EXOC6B: variants seen among roughly 807,000 people sequenced by gnomAD.
EXOC6B encodes the protein SEC15 homolog B.
EXOC6B carries 54 observed loss-of-function variants against 113.5 expected under a neutral mutation model. That is an observed-to-expected ratio of 0.48 (90% confidence interval 0.38 to 0.60). The LOEUF is 0.60. EXOC6B is among the 20% of genes least tolerant of loss of function. The pLI is 0.00. For synonymous variants in EXOC6B, 357 were observed against 339.0 expected, an observed-to-expected ratio of 1.05 and a Z score of -0.58; for missense variants, 797 against 977.5, an observed-to-expected ratio of 0.82 and a Z score of 2.46.
chr2:72,288,908 A>C (rs1685612541), intron 20 of EXOC6B: 1 of 222,640 alleles, frequency 4.5e-6, no homozygotes. Context: ...AGAGCTGGGA[A>C]AATTATTGTG....
intron 18 of EXOC6B, among the ~76,000 whole-genome samples, chr2:72,438,516 G>A (rs1180969075): frequency 6.6e-6 from 1 of 152,142 alleles, no homozygotes; most frequent in African/African-American, 2.4e-5. Context: ...AGCTGAGGTG[G>A]GAGGATCACT....
intron 6 of EXOC6B, among the ~76,000 whole-genome samples, chr2:72,662,111 G>C (rs1217978856): frequency 3.8e-5 from 5 of 131,000 alleles, no homozygotes; most frequent in African/African-American, 1.4e-4. Context: ...AAGGAGAGAA[G>C]GGGGGAGGGG....
At chr2:72,440,056 G>A (rs1323849659) in intron 18 of EXOC6B, among the ~76,000 whole-genome samples, 1 of 152,136 alleles carries the variant, frequency 6.6e-6, no homozygotes, top group Non-Finnish European at 1.5e-5. Flanking sequence ...TCCTCTGAGA[G>A]CTCTGTACCA....
At chr2:72,509,589 T>C (rs962970744) in intron 11 of EXOC6B, among the ~76,000 whole-genome samples, 1 of 152,086 alleles carries the variant, frequency 6.6e-6, no homozygotes, top group Non-Finnish European at 1.5e-5. Flanking sequence ...GTTAAAACTT[T>C]TTGAAGCTGC....
intron 6 of EXOC6B, among the ~76,000 whole-genome samples, chr2:72,707,399 AT>A (rs1056540715): frequency 2.1e-4 from 31 of 150,404 alleles, no homozygotes; most frequent in Non-Finnish European, 3.0e-5. Context: ...TTATTCATGT[AT>A]ATTTGTCATT....
intron 20 of EXOC6B, among the ~76,000 whole-genome samples, chr2:72,197,218 G>A (rs1679227130): frequency 6.6e-6 from 1 of 152,116 alleles, no homozygotes. Flanking sequence ...GAAGAGGTAG[G>A]TACCTCCATT....
At chr2:72,246,092 T>C (rs555181660) in intron 20 of EXOC6B, among the ~76,000 whole-genome samples, 1 of 152,310 alleles carries the variant, frequency 6.6e-6, no homozygotes, top group Non-Finnish European at 1.5e-5. Context: ...TCTCACTATG[T>C]TGTCTAGGCT....
intron 8 of EXOC6B, among the ~76,000 whole-genome samples, chr2:72,533,581 A>T (rs1702129046): frequency 6.6e-6 from 1 of 152,116 alleles, no homozygotes; most frequent in East Asian, 1.9e-4. Flanking sequence ...CTAAGCCAAA[A>T]CCAATGTGGT....
At chr2:72,813,570 T>A (rs1330451822) in intron 1 of EXOC6B, among the ~76,000 whole-genome samples, 1 of 152,190 alleles carries the variant, frequency 6.6e-6, no homozygotes, top group Non-Finnish European at 1.5e-5. Flanking sequence ...AGGAAATCCT[T>A]TACCTGACCA....
At chr2:72,403,821 G>C (rs570768631) in intron 18 of EXOC6B, among the ~76,000 whole-genome samples, 70 of 152,324 alleles carry the variant, frequency 4.6e-4, no homozygotes, top group Non-Finnish European at 8.1e-4. Flanking sequence ...TTCCAACTGA[G>C]GTACCGGGTT....
chr2:72,580,237 G>A (rs964169290), intron 6 of EXOC6B, among the ~76,000 whole-genome samples: 8 of 150,424 alleles, frequency 5.3e-5, no homozygotes, highest in African/African-American at 1.5e-4. Context: ...TGCCTCCTGG[G>A]TTCAAGCGAT....
intron 17 of EXOC6B, among the ~76,000 whole-genome samples, chr2:72,476,698 AT>A (rs555556677): frequency 6.6e-6 from 1 of 151,260 alleles, no homozygotes; most frequent in Non-Finnish European, 1.5e-5. Context: ...TAGAATGTTT[AT>A]TTTTTTAAAT....
At chr2:72,306,834 A>G (rs9309464) in intron 20 of EXOC6B, among the ~76,000 whole-genome samples, 55,571 of 152,096 alleles carry the variant, frequency 0.37, 16,423 homozygotes, top group African/African-American at 0.82. Context: ...GGGAAAAAAC[A>G]TGATAATAGT....
intron 1 of EXOC6B, among the ~76,000 whole-genome samples, chr2:72,769,250 G>T (rs1046529616): frequency 9.2e-5 from 14 of 152,138 alleles, no homozygotes; most frequent in African/African-American, 3.1e-4. Context: ...TCAGAATGAA[G>T]CACAGAGATG....
At chr2:72,779,541 A>T (rs1236321150) in intron 1 of EXOC6B, among the ~76,000 whole-genome samples, 3 of 152,162 alleles carry the variant, frequency 2.0e-5, no homozygotes, top group African/African-American at 7.2e-5. Flanking sequence ...TTTTCTAACT[A>T]TTGCCATATT....
chr2:72,382,625 C>T (rs1691756188), intron 18 of EXOC6B, among the ~76,000 whole-genome samples: 2 of 152,098 alleles, frequency 1.3e-5, no homozygotes, highest in African/African-American at 2.4e-5. Context: ...AGCAGTATCG[C>T]CATTTTAACT....
In EXOC6B at chr2:72,547,172, T is replaced by C. The variant is rs185397697; in HGVS notation, c.915+12281A>G. Among the ~76,000 whole-genome samples the C allele has an allele frequency of 5.2e-4, 79 of 152,344 alleles. 1 individual carries two copies. In the East Asian group the frequency reaches 0.015, roughly 28 times the overall value. On this transcript the variant is annotated intron_variant, in intron 8 of 21. Transcript: ENST00000272427. ...GTACTTGATAGAGCCTTTGTAATAA[T>C]GAATTCACTGCACAATGATATTCTC... is the stretch of plus-strand genomic sequence containing the variant.
At chr2:72,612,802 C>T (rs1261353443) in intron 6 of EXOC6B, among the ~76,000 whole-genome samples, 2 of 152,172 alleles carry the variant, frequency 1.3e-5, no homozygotes, top group East Asian at 3.9e-4. Flanking sequence ...AAATAAACTC[C>T]GTATTTGTTT....
At chr2:72,247,884 C>T (rs879419736) in intron 20 of EXOC6B, among the ~76,000 whole-genome samples, 2 of 152,186 alleles carry the variant, frequency 1.3e-5, no homozygotes, top group African/African-American at 2.4e-5. Context: ...TGAATTTGAA[C>T]TTGGATCTCT....
Sources: gnomAD v4.1 joint callset for allele counts (sites outside exome capture counted in the v4.1 genomes callset) on GRCh38, gnomAD v4.1.1 for gene constraint, MANE v1.5 for transcripts, NCBI Gene and HGNC (gene_info 2026-07-23, HGNC 2026-07-21) for gene names.